The following NETO2 variants were observed in gnomAD, a reference collection of about 807,000 sequenced individuals.
The protein encoded by NETO2 is neuropilin and tolloid like 2.
Under a neutral mutation model 62.5 loss-of-function variants are expected in NETO2, and 28 were observed. The observed-to-expected ratio is 0.45, with a 90% CI of 0.33 to 0.61. NETO2 has a LOEUF of 0.61. Among genes scored for constraint, NETO2 ranks in the 20% least tolerant of loss-of-function variants. The probability of loss-of-function intolerance (pLI) is 0.02; values close to 1 mark genes in which losing one functional copy is unlikely to be tolerated. For synonymous variants in NETO2, 214 were observed against 219.1 expected, an observed-to-expected ratio of 0.98 and a Z score of 0.21; for missense variants, 548 against 643.2, an observed-to-expected ratio of 0.85 and a Z score of 1.60.
At chr16:47,120,433 T>C (rs1964013005) in intron 6 of NETO2, among the ~76,000 whole-genome samples, 1 of 152,192 alleles carries the variant, frequency 6.6e-6, no homozygotes, top group African/African-American at 2.4e-5. Context: ...GCTATCATGA[T>C]ATAGGTATAC....
intron 7 of NETO2, among the ~76,000 whole-genome samples, chr16:47,106,757 G>T (rs888574081): frequency 6.6e-6 from 1 of 151,678 alleles, no homozygotes; most frequent in African/African-American, 2.4e-5. Context: ...TCTATGAATT[G>T]ATATGGAATG....
At chr16:47,142,859 C>T (rs967559647) in intron 1 of NETO2, among the ~76,000 whole-genome samples, 1 of 152,212 alleles carries the variant, frequency 6.6e-6, no homozygotes, top group Non-Finnish European at 1.5e-5. Context: ...ATTCCCAGTA[C>T]AACAAATTAG....
chr16:47,134,767 C>CTG (rs1303664542), intron 1 of NETO2, among the ~76,000 whole-genome samples: 1 of 152,234 alleles, frequency 6.6e-6, no homozygotes, highest in Admixed American at 6.5e-5. Flanking sequence ...AAGGGATGAA[C>CTG]TGTGCCAGCA....
chr16:47,143,456 C>A (rs1964507204), intron 1 of NETO2, 123 bp downstream of exon 1: 2 of 1,133,320 alleles, frequency 1.8e-6, no homozygotes, highest in Non-Finnish European at 2.2e-6. Flanking sequence ...GCCGCGAGCC[C>A]CGCCAGACAA....
intron 1 of NETO2, among the ~76,000 whole-genome samples, chr16:47,133,939 GAAGA>G: frequency 6.6e-6 from 1 of 152,158 alleles, no homozygotes; most frequent in Non-Finnish European, 1.5e-5. Flanking sequence ...CTTTTAATGA[GAAGA>G]GAGAAGATTA....
At chr16:47,118,184 ATTCTGTCTCT>A (rs1963960167) in intron 6 of NETO2, among the ~76,000 whole-genome samples, 1 of 151,822 alleles carries the variant, frequency 6.6e-6, no homozygotes, top group African/African-American at 2.4e-5. Context: ...CGCACTGCAA[ATTCTGTCTCT>A]CTTTGTTTGG....
chr16:47,132,071 T>A (rs1964277167), intron 1 of NETO2, 46 bp from the exon 2 acceptor site: 8 of 1,338,838 alleles, frequency 6.0e-6, no homozygotes, highest in Non-Finnish European at 8.5e-6. Flanking sequence ...GAATCTATAC[T>A]ACATTTTACT....
rs1263765942 is a variant in NETO2, at chr16:47,081,013, TTA to T, written c.*2206_*2207del. Reference sequence around the variant, plus strand: ...AAAACTGTGTACTTCTATTTTACTGTTATGTCTTCTTTAAAGGCTCTGTATTT... The same window carrying T: ...AAAACTGTGTACTTCTATTTTACTGTTGTCTTCTTTAAAGGCTCTGTATTT... On this transcript the variant is annotated 3_prime_UTR_variant, in exon 9 of 9. Transcript: ENST00000562435. 2.6e-5 allele frequency: 4 copies of T among 152,182 alleles called. No individual in the cohort carries two copies. The highest frequency in any genetic ancestry group is 4.8e-5 in the African/African-American group (2 of 41,454). 9.4% of individuals were successfully genotyped at this position (152,182 alleles called of 1,614,324 possible). A position where few individuals can be genotyped will look rare whatever the true frequency, so the allele number is the denominator to read the frequency against.
In NETO2 at chr16:47,083,474, G is replaced by A. The variant is rs754963753; in HGVS notation, c.1325C>T (p.Ser442Leu). Residue 442 changes from serine to leucine, a missense_variant, in exon 9 of 9, where the codon TCG (serine) becomes TTG (leucine). By Grantham distance (145) the Ser-to-Leu change is moderately radical (BLOSUM62 -2). Coordinates refer to ENST00000562435, the MANE Select transcript of NETO2 (RefSeq NM_018092.5). ...SRCIHDHHCG[S>L]QASSVKQSRT... is the part of the protein sequence containing the mutation. ...GCTTTGTTTGACGCTGGAGGCCTGC[G>A]ACCCACAGTGGTGGTCGTGGATGCA... 1.9e-5 allele frequency: 31 copies of A among 1,614,090 alleles called. No homozygotes were observed. Among genetic ancestry groups the A allele is most frequent in the East Asian group, 2.2e-5 (1 of 44,890 alleles).
At position 47,129,252 on chromosome 16, in the gene NETO2, T is replaced by G; in HGVS notation, c.204A>C (p.Pro68=). 1 of 1,614,092 alleles carries G rather than the reference T, an allele frequency of 6.2e-7. No homozygotes were observed. The highest frequency in any genetic ancestry group is 8.5e-7 in the Non-Finnish European group (1 of 1,179,942). ...CCAAAATGTAGATACACTCCTTGTT[T>G]GGTGGATATGAGTCAGGATAATTTG... ...ASPNYPDSYP[P]NKECIYILEA... is the part of the protein sequence containing the mutation. The change falls in exon 3 of 9, where the codon CCA becomes CCC. Residue 68 remains proline, a synonymous_variant. Transcript: ENST00000562435.
chr16:47,122,827 A>G (rs2151486378), intron 5 of NETO2, 41 bp downstream of exon 5: 1 of 1,613,946 alleles, frequency 6.2e-7, no homozygotes, highest in Non-Finnish European at 8.5e-7. Context: ...ACATAAGACT[A>G]ATCAAAAATG....
At chr16:47,087,229 T>C (rs1963211885) in intron 7 of NETO2, among the ~76,000 whole-genome samples, 3 of 152,160 alleles carry the variant, frequency 2.0e-5, no homozygotes, top group Admixed American at 1.3e-4. Context: ...TTTCACTATG[T>C]TGGCCAGGCT....
At position 47,129,349 on chromosome 16, in the gene NETO2, C is replaced by A. The variant is rs772236903; in HGVS notation, c.107G>T (p.Gly36Val). Reference protein sequence around the residue: ...AQKTQDGQNIGIKHIPATQCG... With the variant: ...AQKTQDGQNIVIKHIPATQCG... ...CTGGGTTGCAGGAATATGCTTGATTCCAATATTTTGTCCATCTTAGGGAAA... is the reference window on the plus strand; with the variant it reads ...CTGGGTTGCAGGAATATGCTTGATTACAATATTTTGTCCATCTTAGGGAAA... The change falls in exon 3 of 9, where the codon GGA becomes GTA. Residue 36 changes from glycine (G) to valine (V), a missense_variant. By Grantham distance (109) the Gly-to-Val change is moderately radical. Transcript: ENST00000562435. 6.2e-7 allele frequency: 1 copy of A among 1,613,864 alleles called. No homozygotes were observed. The highest frequency in any genetic ancestry group is 8.5e-7 in the Non-Finnish European group (1 of 1,179,934).
At chr16:47,142,150 G>C (rs1964472553) in intron 1 of NETO2, among the ~76,000 whole-genome samples, 1 of 152,178 alleles carries the variant, frequency 6.6e-6, no homozygotes, top group South Asian at 2.1e-4. Context: ...TCACGAAAGA[G>C]TAAAAACATT....
chr16:47,121,042 A>G (rs1402903431), intron 6 of NETO2, among the ~76,000 whole-genome samples: 3 of 152,174 alleles, frequency 2.0e-5, no homozygotes, highest in Non-Finnish European at 4.4e-5. Flanking sequence ...AAATCCCAAT[A>G]AACTGCCACC....
At chr16:47,142,180 T>C (rs963726639) in intron 1 of NETO2, among the ~76,000 whole-genome samples, 3 of 152,180 alleles carry the variant, frequency 2.0e-5, no homozygotes, top group Admixed American at 1.3e-4. Context: ...GGAATGACTG[T>C]AAAAATTAGG....
chr16:47,133,005 T>C (rs1326406583), intron 1 of NETO2, among the ~76,000 whole-genome samples: 1 of 152,188 alleles, frequency 6.6e-6, no homozygotes, highest in Non-Finnish European at 1.5e-5. Context: ...TGAGATAATG[T>C]ATATAGTATT....
In NETO2 at chr16:47,129,325, T is replaced by C. The variant is rs774409141; in HGVS notation, c.131A>G (p.Gln44Arg). 1.9e-6 allele frequency: 3 copies of C among 1,614,050 alleles called. No individual in the cohort carries two copies. The highest frequency in any genetic ancestry group is 2.2e-5 in the East Asian group (1 of 44,872). ...NIGIKHIPAT[Q>R]CGIWVRTSNG... ...GCTGGTTCGAACCCAAATGCCACAC[T>C]GGGTTGCAGGAATATGCTTGATTCC... The change falls in exon 3 of 9, where the codon CAG becomes CGG. Residue 44 changes from glutamine to arginine, a missense_variant. Coordinates refer to ENST00000562435, the MANE Select transcript of NETO2 (RefSeq NM_018092.5).
intron 6 of NETO2, among the ~76,000 whole-genome samples, chr16:47,110,873 A>G (rs1374479357): frequency 6.6e-6 from 1 of 152,106 alleles, no homozygotes; most frequent in South Asian, 2.1e-4. Context: ...AATATAGCTT[A>G]AAGAATTACA....
Sources: allele counts gnomAD v4.1 joint callset (sites outside exome capture counted in the v4.1 genomes callset), GRCh38; gene constraint gnomAD v4.1.1; transcripts MANE v1.5; gene names NCBI Gene and HGNC (gene_info 2026-07-23, HGNC 2026-07-21).